The following SCNN1G variants were observed in gnomAD, a reference collection of about 807,000 sequenced individuals.
The protein encoded by SCNN1G is sodium channel epithelial 1 subunit gamma, also known as epithelial sodium channel subunit gamma.
Under a neutral mutation model 64.6 loss-of-function variants are expected in SCNN1G, and 27 were observed. The ratio of observed to expected loss-of-function variants is 0.42; its 90% CI spans 0.31 to 0.58. The LOEUF (loss-of-function observed/expected upper bound fraction) is 0.58. SCNN1G is among the 20% of genes least tolerant of loss of function. SCNN1G has a pLI of 0.18. For missense variants in SCNN1G, 743 were observed against 823.4 expected, an observed-to-expected ratio of 0.90 and a Z score of 1.19; for synonymous variants, 330 against 314.2, an observed-to-expected ratio of 1.05 and a Z score of -0.53.
intron 11 of SCNN1G, among the ~76,000 whole-genome samples, chr16:23,213,581 A>G (rs1353865135): frequency 6.6e-6 from 1 of 151,832 alleles, no homozygotes; most frequent in Non-Finnish European, 1.5e-5. Context: ...TCACTCATTC[A>G]TTTCCTCAAA....
At chr16:23,203,327 G>C (rs116173961) in intron 6 of SCNN1G, among the ~76,000 whole-genome samples, 1 of 152,110 alleles carries the variant, frequency 6.6e-6, no homozygotes, top group African/African-American at 2.4e-5. Context: ...AGAAGTGGAC[G>C]TGGGTGGACC....
At chr16:23,203,995 T>C (rs1299492824) in intron 6 of SCNN1G, among the ~76,000 whole-genome samples, 2 of 151,394 alleles carry the variant, frequency 1.3e-5, no homozygotes, top group African/African-American at 4.9e-5. Flanking sequence ...TATATTGGCT[T>C]GGCTGAGGGC....
At position 23,215,795 on chromosome 16, in the gene SCNN1G, A is replaced by G. The variant is rs1372047952; in HGVS notation, c.*326A>G. 1 of 417,100 alleles carries G rather than the reference A, an allele frequency of 2.4e-6. No individual in the cohort carries two copies. The highest frequency in any genetic ancestry group is 2.0e-5 in the African/African-American group (1 of 49,540). The allele number at this position is 417,100 out of a possible 1,614,324, so 25.8% of individuals were successfully genotyped here. ...AGAGTGAGGACTGATGCAGCTCTTT[A>G]CGGGTCTTGAGAGGGAAGGACTCTT... On this transcript the variant is annotated 3_prime_UTR_variant, in exon 13 of 13. Coordinates refer to ENST00000300061, the MANE Select transcript of SCNN1G (RefSeq NM_001039.4).
intron 1 of SCNN1G, among the ~76,000 whole-genome samples, chr16:23,183,750 C>T (rs1009354368): frequency 1.8e-4 from 28 of 152,266 alleles, no homozygotes; most frequent in African/African-American, 6.5e-4. Context: ...AGTGGGATGC[C>T]TGGGAGTACA....
intron 6 of SCNN1G, 128 bp from the exon 7 acceptor site, chr16:23,209,622 A>G: frequency 1.4e-6 from 1 of 735,594 alleles, no homozygotes; most frequent in Non-Finnish European, 2.5e-6. Flanking sequence ...TTTTCATTAA[A>G]TGAATGACCA....
intron 2 of SCNN1G, among the ~76,000 whole-genome samples, chr16:23,187,194 G>A (rs748673061): frequency 6.3e-5 from 9 of 143,050 alleles, no homozygotes; most frequent in Non-Finnish European, 1.2e-4. Flanking sequence ...CTGCAGCCCC[G>A]ACCTCCTGGG....
At position 23,186,373 on chromosome 16, in the gene SCNN1G, C is replaced by T; in HGVS notation, c.102C>T (p.Leu34=). ...AAGAGCTGATGCGGTGGTACTGCCT[C>T]AACACCAACACCCATGGCTGTCGCC... ...TIKELMRWYC[L]NTNTHGCRRI... The change falls in exon 2 of 13, where the codon CTC becomes CTT. Residue 34 remains leucine (L), a synonymous_variant. Transcript: ENST00000300061. The T allele has an allele frequency of 6.2e-7, 1 of 1,614,228 alleles. No homozygotes were observed. Among genetic ancestry groups the T allele is most frequent in the Non-Finnish European group, 8.5e-7 (1 of 1,180,036 alleles).
At chr16:23,210,894 TG>T (rs1960068176) in intron 7 of SCNN1G, among the ~76,000 whole-genome samples, 1 of 152,044 alleles carries the variant, frequency 6.6e-6, no homozygotes, top group African/African-American at 2.4e-5. Context: ...TTTAATTACC[TG>T]GGCATACTGG....
rs35352485 is a variant in SCNN1G, at chr16:23,186,822, CT to C, written c.317+240del. 7.2e-5 allele frequency among the ~76,000 whole-genome samples: 11 copies of C among 151,992 alleles called. No individual in the cohort carries two copies. In the East Asian group the frequency reaches 1.9e-3, roughly 27 times the overall value. On this transcript the variant is annotated intron_variant, in intron 2 of 12. Transcript: ENST00000300061. ...ACTTGTTTTTTTTCTTTTCTTTTTCCTTTTTTGAGATGGAGTTTCGCTCTTG... is the reference window on the plus strand; with the variant it reads ...ACTTGTTTTTTTTCTTTTCTTTTTCCTTTTTGAGATGGAGTTTCGCTCTTG...
At chr16:23,185,606 C>T (rs1039991861) in intron 1 of SCNN1G, among the ~76,000 whole-genome samples, 2 of 152,128 alleles carry the variant, frequency 1.3e-5, no homozygotes, top group Non-Finnish European at 2.9e-5. Context: ...ACATTAAGAG[C>T]TTGACTGTAA....
At chr16:23,213,053 C>T in intron 10 of SCNN1G, 49 bp from the exon 11 acceptor site, 1 of 1,572,052 alleles carries the variant, frequency 6.4e-7, no homozygotes, top group South Asian at 1.1e-5. Flanking sequence ...GGAGGCTGGC[C>T]CTAGCCTCTC....
At chr16:23,209,510 A>G (rs1383606142) in intron 6 of SCNN1G, among the ~76,000 whole-genome samples, 1 of 152,092 alleles carries the variant, frequency 6.6e-6, no homozygotes, top group Non-Finnish European at 1.5e-5. Context: ...TGTTTACCCC[A>G]CTGGAAGGTA....
chr16:23,212,239 G>A (rs1462513867), intron 8 of SCNN1G, 88 bp downstream of exon 8: 1 of 853,734 alleles, frequency 1.2e-6, no homozygotes, highest in Non-Finnish European at 2.0e-6. Context: ...CTCCACCCCT[G>A]TTGCCTTTTG....
chr16:23,189,745 AC>A, intron 3 of SCNN1G, 74 bp downstream of exon 3: 2 of 1,387,544 alleles, frequency 1.4e-6, no homozygotes, highest in Admixed American at 1.7e-5. Context: ...CTTCTCCTTG[AC>A]CACTAGCCCC....
rs1959811535 is a variant in SCNN1G, at chr16:23,197,293, G to C, written c.943G>C (p.Glu315Gln). ...GLQVILYINE[E>Q]EYNPFLVSST... ...GCAAGTCATTTTGTACATAAACGAA[G>C]AGGAATACAACCCATTCCTCGTGTC... Residue 315 changes from glutamate to glutamine, a missense_variant, in exon 6 of 13, where the codon GAG (glutamate) becomes CAG (glutamine). By Grantham distance (29) the Glu-to-Gln change is conservative (BLOSUM62 2). Transcript: ENST00000300061. 6.2e-7 allele frequency: 1 copy of C among 1,613,938 alleles called. No individual in the cohort carries two copies. Among genetic ancestry groups the C allele is most frequent in the Non-Finnish European group, 8.5e-7 (1 of 1,179,958 alleles).
chr16:23,182,863 G>A (rs982532201), intron 1 of SCNN1G, 50 bp downstream of exon 1: 1 of 152,470 alleles, frequency 6.6e-6, no homozygotes, highest in Non-Finnish European at 1.5e-5. Flanking sequence ...CTGGGCACTG[G>A]AGCGGATGCC....
intron 5 of SCNN1G, among the ~76,000 whole-genome samples, chr16:23,194,585 G>T (rs1959765550): frequency 6.6e-6 from 1 of 152,204 alleles, no homozygotes; most frequent in Non-Finnish European, 1.5e-5. Context: ...ATGCAGGACA[G>T]GTGGTTTCCA....
chr16:23,215,418 G>C lies in SCNN1G; in HGVS notation c.1899G>C (p.Glu633Asp). ...PPPKYNTLRLERAFSNQLTDT... is the reference protein window; with the variant it reads ...PPPKYNTLRLDRAFSNQLTDT... ...CCAAATACAATACCTTGCGCTTGGA[G>C]AGGGCCTTTTCCAACCAGCTCACAG... Residue 633 changes from glutamate to aspartate, a missense_variant, in exon 13 of 13, where the codon GAG (glutamate) becomes GAC (aspartate). Transcript: ENST00000300061. 3.1e-6 allele frequency: 5 copies of C among 1,613,778 alleles called. No individual in the cohort carries two copies. The highest frequency in any genetic ancestry group is 4.2e-6 in the Non-Finnish European group (5 of 1,180,034).
Position 23,212,080 on chromosome 16 carries a change from G to C in SCNN1G, c.1223G>C (p.Gly408Ala), listed in dbSNP as rs760275748. The change falls in exon 8 of 13, where the codon GGG (glycine) becomes GCG (alanine). Residue 408 changes from glycine (G) to alanine (A), a missense_variant. Coordinates refer to ENST00000300061, the MANE Select transcript of SCNN1G (RefSeq NM_001039.4). ...CFQTKMVEKC[G>A]CAQYSQPLPP... ...CAGACAAAGATGGTGGAGAAATGTG[G>C]GTGTGCCCAGTACAGCCAGCCTCTA... 7.4e-6 allele frequency: 12 copies of C among 1,613,906 alleles called. No individual in the cohort carries two copies. Among genetic ancestry groups the C allele is most frequent in the Non-Finnish European group, 2.5e-6 (3 of 1,179,948 alleles).
Sources: gnomAD v4.1 joint callset for allele counts (sites outside exome capture counted in the v4.1 genomes callset) on GRCh38, gnomAD v4.1.1 for gene constraint, MANE v1.5 for transcripts, NCBI Gene and HGNC (gene_info 2026-07-23, HGNC 2026-07-21) for gene names.